TASP1: variants seen among roughly 807,000 people sequenced by gnomAD.
The protein encoded by TASP1 is taspase 1, also known as threonine aspartase 1.
Under a neutral mutation model 56.6 loss-of-function variants are expected in TASP1, and 16 were observed. The observed-to-expected ratio is 0.28, with a 90% CI of 0.19 to 0.43. The LOEUF (loss-of-function observed/expected upper bound fraction) is 0.43. Among genes scored for constraint, TASP1 ranks in the 20% least tolerant of loss-of-function variants. TASP1 has a pLI of 1.00. For synonymous variants in TASP1, 179 were observed against 184.2 expected (o/e 0.97, Z 0.23); for missense variants, 393 against 511.6 (o/e 0.77, Z 2.24).
the TASP1 span, among the ~76,000 whole-genome samples, chr20:13,206,003 A>G: frequency 6.6e-6 from 1 of 152,222 alleles, no homozygotes; most frequent in Non-Finnish European, 1.5e-5. Flanking sequence ...CACCGGGTGC[A>G]GGTCAGACAG....
chr20:13,554,403 AAC>A (rs1342212604), intron 8 of TASP1, among the ~76,000 whole-genome samples: 1 of 133,928 alleles, frequency 7.5e-6, no homozygotes, highest in African/African-American at 2.5e-5. Flanking sequence ...GACTAAAGAA[AAC>A]AAGAGCGCTC....
At chr20:13,155,829 A>AAAT in the TASP1 span, among the ~76,000 whole-genome samples, 2 of 152,126 alleles carry the variant, frequency 1.3e-5, no homozygotes, top group Non-Finnish European at 2.9e-5. Context: ...CCGTCTAAAA[A>AAAT]AATAATAATA....
the TASP1 span, among the ~76,000 whole-genome samples, chr20:13,383,291 G>A: frequency 6.6e-6 from 1 of 152,192 alleles, no homozygotes; most frequent in Admixed American, 6.5e-5. Context: ...AATAACTCAG[G>A]CAAAAGACAA....
At chr20:13,405,096 A>G (rs1311613547) in intron 13 of TASP1, among the ~76,000 whole-genome samples, 5 of 152,198 alleles carry the variant, frequency 3.3e-5, no homozygotes, top group African/African-American at 1.2e-4. Context: ...AATTTTAGAA[A>G]AATCACTTCC....
intron 4 of TASP1, among the ~76,000 whole-genome samples, chr20:13,588,285 G>GA (rs756977257): frequency 0.063 from 8,592 of 135,760 alleles, 282 homozygotes; most frequent in East Asian, 0.13. Context: ...AAGGAAGGAA[G>GA]GAAGGAAGGA....
At chr20:13,161,477 C>G in the TASP1 span, among the ~76,000 whole-genome samples, 1 of 152,150 alleles carries the variant, frequency 6.6e-6, no homozygotes, top group Non-Finnish European at 1.5e-5. Context: ...CAAGAGTGAA[C>G]AGGGCAGACT....
chr20:13,386,060 A>G (rs2041160826), downstream of TASP1, among the ~76,000 whole-genome samples: 1 of 152,192 alleles, frequency 6.6e-6, no homozygotes, highest in Non-Finnish European at 1.5e-5. Context: ...TGCTTGTTGT[A>G]TGCACCTGCA....
the TASP1 span, among the ~76,000 whole-genome samples, chr20:13,133,433 C>T: frequency 6.6e-6 from 1 of 152,108 alleles, no homozygotes; most frequent in South Asian, 2.1e-4. Flanking sequence ...TAGATAGAAA[C>T]CATTAAATCT....
chr20:13,500,577 C>T (rs1348280921), intron 10 of TASP1, among the ~76,000 whole-genome samples: 1 of 151,206 alleles, frequency 6.6e-6, no homozygotes, highest in Non-Finnish European at 1.5e-5. Flanking sequence ...CATAGAAAAC[C>T]TATTAAAATA....
chr20:13,360,267 C>T, the TASP1 span, among the ~76,000 whole-genome samples: 4 of 150,630 alleles, frequency 2.7e-5, no homozygotes, highest in South Asian at 8.4e-4. Flanking sequence ...TTGGACTGAC[C>T]CTGACACCCA....
chr20:13,576,151 G>A (rs985552241), intron 6 of TASP1, among the ~76,000 whole-genome samples: 5 of 142,436 alleles, frequency 3.5e-5, no homozygotes, highest in Admixed American at 7.2e-5. Flanking sequence ...GCAGCGAGCC[G>A]AGATCATGCC....
At chr20:13,167,423 T>G in the TASP1 span, 1 of 151,914 alleles carries the variant, frequency 6.6e-6, no homozygotes, top group Non-Finnish European at 1.5e-5. Flanking sequence ...TATAATGTTA[T>G]GCGCACTCAG....
At chr20:13,139,923 T>C in the TASP1 span, among the ~76,000 whole-genome samples, 2 of 152,220 alleles carry the variant, frequency 1.3e-5, no homozygotes, top group Non-Finnish European at 2.9e-5. Context: ...GGTCTACTAG[T>C]CTGGCTTTTA....
chr20:13,402,402 C>A (rs1490126119), intron 13 of TASP1, among the ~76,000 whole-genome samples: 1 of 152,204 alleles, frequency 6.6e-6, no homozygotes, highest in Non-Finnish European at 1.5e-5. Flanking sequence ...ATCCTGGCAG[C>A]CCTAAGAGCA....
At position 13,410,208 on chromosome 20, in the gene TASP1, CT is replaced by C. The variant is rs530426331; in HGVS notation, c.1170+7239del. 5.9e-5 allele frequency among the ~76,000 whole-genome samples: 9 copies of C among 152,296 alleles called. No individual in the cohort carries two copies. In the South Asian group the frequency reaches 1.9e-3, roughly 32 times the overall value. On this transcript the variant is annotated intron_variant, in intron 13 of 13. Transcript: ENST00000337743. ...CCATTGTGTATACAGACTACATTTTCTTGATCCATTCATCTGTTCATATATT... is the reference window on the plus strand; with the variant it reads ...CCATTGTGTATACAGACTACATTTTCTGATCCATTCATCTGTTCATATATT...
the TASP1 span, among the ~76,000 whole-genome samples, chr20:13,365,408 A>G: frequency 6.6e-6 from 1 of 152,248 alleles, no homozygotes; most frequent in Non-Finnish European, 1.5e-5. Context: ...GAGAGTTGTG[A>G]GTGCCATAAT....
intron 11 of TASP1, among the ~76,000 whole-genome samples, chr20:13,473,348 G>C (rs916291272): frequency 4.0e-5 from 6 of 149,980 alleles, no homozygotes; most frequent in African/African-American, 1.5e-4. Context: ...GGGGTGGGGG[G>C]ATGGGGGAGG....
chr20:13,213,018 G>A, the TASP1 span, among the ~76,000 whole-genome samples: 1 of 152,122 alleles, frequency 6.6e-6, no homozygotes, highest in African/African-American at 2.4e-5. Context: ...TATTTTAAGT[G>A]GAGACATCTC....
the TASP1 span, among the ~76,000 whole-genome samples, chr20:13,370,355 A>T: frequency 2.6e-5 from 4 of 152,284 alleles, no homozygotes; most frequent in East Asian, 1.9e-4. Flanking sequence ...TTATTATATC[A>T]TTATTAACAT....
Sources: gnomAD v4.1 joint callset for allele counts (sites outside exome capture counted in the v4.1 genomes callset) on GRCh38, gnomAD v4.1.1 for gene constraint, MANE v1.5 for transcripts, NCBI Gene and HGNC (gene_info 2026-07-23, HGNC 2026-07-21) for gene names.